The following RGPD2 variants were observed in gnomAD, a reference collection of about 807,000 sequenced individuals.
The protein encoded by RGPD2 is RANBP2 like and GRIP domain containing 2.
RGPD2 carries 2 observed loss-of-function variants against 36.0 expected under a neutral mutation model. That is an observed-to-expected ratio of 0.06 (90% confidence interval 0.02 to 0.17). The LOEUF is 0.17. Among genes scored for constraint, RGPD2 ranks in the 10% least tolerant of loss-of-function variants. RGPD2 has a pLI of 1.00. For synonymous variants in RGPD2, 19 were observed against 163.8 expected (o/e 0.12, Z 6.75); for missense variants, 40 against 464.3 (o/e 0.09, Z 8.40).
At chr2:87,857,553 AGGAT>A in the RGPD2 span, among the ~76,000 whole-genome samples, 1 of 150,198 alleles carries the variant, frequency 6.7e-6, no homozygotes, top group Non-Finnish European at 1.5e-5. Flanking sequence ...CGTGTTAGCC[AGGAT>A]GGTCTCGATC....
chr2:87,857,362 A>G, the RGPD2 span, among the ~76,000 whole-genome samples: 1 of 151,044 alleles, frequency 6.6e-6, no homozygotes, highest in Non-Finnish European at 1.5e-5. Flanking sequence ...TTTTTTTTTG[A>G]GACGGAGTCT....
the RGPD2 span, among the ~76,000 whole-genome samples, chr2:87,922,311 A>C: frequency 6.6e-6 from 1 of 151,816 alleles, no homozygotes; most frequent in East Asian, 1.9e-4. Context: ...AAAAAAAAAA[A>C]AAAACCAAAA....
At chr2:87,852,698 C>T in the RGPD2 span, among the ~76,000 whole-genome samples, 1 of 152,290 alleles carries the variant, frequency 6.6e-6, no homozygotes, top group African/African-American at 2.4e-5. Flanking sequence ...GCTGTTTCTA[C>T]TGCGCAGAAT....
the RGPD2 span, among the ~76,000 whole-genome samples, chr2:87,857,774 T>TAAA: frequency 6.5e-5 from 8 of 123,474 alleles, no homozygotes; most frequent in African/African-American, 2.3e-4. Flanking sequence ...CCATCTCTAC[T>TAAA]AAAAAAAAAA....
the RGPD2 span, among the ~76,000 whole-genome samples, chr2:87,914,974 C>T: frequency 6.6e-6 from 1 of 152,010 alleles, no homozygotes. Context: ...ATGGGGAAAC[C>T]CTGTCTCTAC....
At chr2:87,852,697 A>G in the RGPD2 span, among the ~76,000 whole-genome samples, 2 of 152,278 alleles carry the variant, frequency 1.3e-5, no homozygotes, top group Non-Finnish European at 2.9e-5. Context: ...TGCTGTTTCT[A>G]CTGCGCAGAA....
chr2:87,986,019 T>G, the RGPD2 span: 1 of 760,094 alleles, frequency 1.3e-6, no homozygotes, highest in Non-Finnish European at 2.1e-6. Flanking sequence ...AGGCCAATTA[T>G]TATGAAAAGA....
the RGPD2 span, among the ~76,000 whole-genome samples, chr2:87,939,895 G>A: frequency 6.6e-6 from 1 of 151,964 alleles, no homozygotes; most frequent in Non-Finnish European, 1.5e-5. Flanking sequence ...TAAACCAAAT[G>A]AGTTAGGGAA....
At chr2:87,844,358 AT>A in the RGPD2 span, among the ~76,000 whole-genome samples, 1 of 151,184 alleles carries the variant, frequency 6.6e-6, no homozygotes, top group African/African-American at 2.4e-5. Flanking sequence ...GATATTTTTA[AT>A]TTTATAATTA....
the RGPD2 span, among the ~76,000 whole-genome samples, chr2:87,877,936 C>A: frequency 1.3e-5 from 2 of 150,578 alleles, no homozygotes; most frequent in African/African-American, 4.9e-5. Flanking sequence ...GTGACCTGGA[C>A]TTTCTCTCCA....
At chr2:87,943,665 T>C in the RGPD2 span, among the ~76,000 whole-genome samples, 2 of 152,006 alleles carry the variant, frequency 1.3e-5, no homozygotes, top group Non-Finnish European at 2.9e-5. Flanking sequence ...TTGTCTATTT[T>C]TGTTTGTGTT....
the RGPD2 span, among the ~76,000 whole-genome samples, chr2:87,945,246 T>C: frequency 1.3e-5 from 2 of 152,400 alleles, no homozygotes; most frequent in African/African-American, 4.8e-5. Context: ...AATGCAATTA[T>C]ATTTTTCCAT....
At chr2:87,947,786 C>T in the RGPD2 span, among the ~76,000 whole-genome samples, 10 of 152,300 alleles carry the variant, frequency 6.6e-5, no homozygotes, top group African/African-American at 1.2e-4. Flanking sequence ...GTTGCAATTC[C>T]GGTTTTCCTC....
At chr2:87,863,749 C>G in the RGPD2 span, among the ~76,000 whole-genome samples, 2 of 151,300 alleles carry the variant, frequency 1.3e-5, no homozygotes, top group Non-Finnish European at 2.9e-5. Context: ...AAGCAAATGC[C>G]TTTGATTTAT....
chr2:87,813,815 A>G (rs1273007140), intron 4 of RGPD2, among the ~76,000 whole-genome samples: 1 of 142,730 alleles, frequency 7.0e-6, no homozygotes, highest in Non-Finnish European at 1.5e-5. Flanking sequence ...TACCTTAGCA[A>G]GCCTTAAATT....
the RGPD2 span, among the ~76,000 whole-genome samples, chr2:87,919,976 G>T: frequency 6.6e-6 from 1 of 151,922 alleles, no homozygotes; most frequent in Non-Finnish European, 1.5e-5. Flanking sequence ...CTGCCATAGT[G>T]CATTCCTATA....
the RGPD2 span, among the ~76,000 whole-genome samples, chr2:87,934,660 T>A: frequency 6.6e-6 from 1 of 151,066 alleles, no homozygotes; most frequent in African/African-American, 2.4e-5. Context: ...TTTATATATT[T>A]CTAGACTTTG....
chr2:87,865,442 A>C, the RGPD2 span, among the ~76,000 whole-genome samples: 3 of 152,286 alleles, frequency 2.0e-5, no homozygotes, highest in Non-Finnish European at 2.9e-5. Flanking sequence ...CACTGATCCC[A>C]GGGTACATAC....
At chr2:87,877,804 C>CAAAAAAAAAAAAAAAA in the RGPD2 span, among the ~76,000 whole-genome samples, 86 of 84,428 alleles carry the variant, frequency 1.0e-3, 2 homozygotes, top group Middle Eastern at 9.8e-3. Flanking sequence ...GACTCCGTCT[C>CAAAAAAAAAAAAAAAA]AAAAAAAAAA....
Sources: allele counts gnomAD v4.1 joint callset (sites outside exome capture counted in the v4.1 genomes callset), GRCh38; gene constraint gnomAD v4.1.1; transcripts MANE v1.5; gene names NCBI Gene and HGNC (gene_info 2026-07-23, HGNC 2026-07-21).